The following CTNNA2 variants were observed in gnomAD, a reference collection of about 807,000 sequenced individuals.
The protein encoded by CTNNA2 is catenin alpha 2, also known as catenin alpha-2.
In CTNNA2, 42 loss-of-function variants were observed where a neutral mutation model predicts 101.0. The observed-to-expected ratio is 0.42, with a 90% CI of 0.32 to 0.54. CTNNA2 has a LOEUF of 0.54. Among genes scored for constraint, CTNNA2 ranks in the 20% least tolerant of loss-of-function variants. CTNNA2 has a pLI of 0.14. For synonymous variants in CTNNA2, 450 were observed against 456.4 expected (o/e 0.99, Z 0.18); for missense variants, 871 against 1,223.1 (o/e 0.71, Z 4.29).
chr2:80,435,405 C>T (rs989541918), intron 9 of CTNNA2, among the ~76,000 whole-genome samples: 11 of 152,142 alleles, frequency 7.2e-5, no homozygotes, highest in African/African-American at 2.7e-4. Flanking sequence ...AACCTCTTGT[C>T]ACAATTTTTT....
intron 7 of CTNNA2, among the ~76,000 whole-genome samples, chr2:80,382,149 G>A (rs7585568): frequency 0.023 from 3,527 of 152,262 alleles, 128 homozygotes; most frequent in African/African-American, 0.079. Context: ...ACCTAGCCTT[G>A]TCTCCAAAGA....
intron 11 of CTNNA2, among the ~76,000 whole-genome samples, chr2:80,553,175 G>A (rs1012087629): frequency 2.0e-5 from 3 of 150,968 alleles, no homozygotes; most frequent in Admixed American, 6.6e-5. Flanking sequence ...GGTGAGCTGG[G>A]ATTGCGTCAC....
intron 7 of CTNNA2, among the ~76,000 whole-genome samples, chr2:80,264,674 G>A (rs1188119718): frequency 6.6e-6 from 1 of 151,992 alleles, no homozygotes; most frequent in Non-Finnish European, 1.5e-5. Flanking sequence ...TCTAGGGTGG[G>A]ATACTATTAA....
chr2:79,723,507 G>A (rs1686617107), intron 2 of CTNNA2, among the ~76,000 whole-genome samples: 1 of 152,142 alleles, frequency 6.6e-6, no homozygotes, highest in South Asian at 2.1e-4. Flanking sequence ...AGCTACATCT[G>A]CATATACTCT....
intron 7 of CTNNA2, among the ~76,000 whole-genome samples, chr2:80,347,491 G>T (rs189742400): frequency 3.4e-4 from 52 of 152,256 alleles, no homozygotes; most frequent in African/African-American, 1.1e-3. Context: ...TCACATGAAC[G>T]ATCCAACCTA....
rs188674765 is a variant in CTNNA2 at position 80,539,779 on chromosome 2, C to G, written c.1291-5203C>G. ...TAGGTATTTAGTACAATTAGATCAC[C>G]AACGAGCTCTACCACCTATAGTCAT... On this transcript the variant is annotated intron_variant, in intron 9 of 18. Coordinates refer to ENST00000402739, the MANE Select transcript of CTNNA2 (RefSeq NM_001282597.3). Among the ~76,000 whole-genome samples, 349 of 152,268 alleles carry G rather than the reference C, an allele frequency of 2.3e-3. 5 individuals carry two copies. Among genetic ancestry groups the G allele is most frequent in the Admixed American group, 0.017 (261 of 15,284 alleles).
chr2:80,065,744 A>G (rs1426368148), intron 7 of CTNNA2, among the ~76,000 whole-genome samples: 1 of 152,206 alleles, frequency 6.6e-6, no homozygotes, highest in Non-Finnish European at 1.5e-5. Flanking sequence ...AAATAAAATT[A>G]TGCACATTGT....
intron 2 of CTNNA2, among the ~76,000 whole-genome samples, chr2:79,209,126 G>A (rs1473648796): frequency 1.3e-5 from 2 of 151,810 alleles, no homozygotes; most frequent in Non-Finnish European, 2.9e-5. Context: ...GACCAGCCTG[G>A]GCAACATAGC....
chr2:79,318,076 G>A (rs1676536458), intron 3 of CTNNA2, among the ~76,000 whole-genome samples: 1 of 151,860 alleles, frequency 6.6e-6, no homozygotes, highest in Admixed American at 6.6e-5. Context: ...TCTATATAGG[G>A]ACTTGAGATA....
At chr2:79,388,891 C>A (rs1044495065) in intron 4 of CTNNA2, among the ~76,000 whole-genome samples, 1 of 151,744 alleles carries the variant, frequency 6.6e-6, no homozygotes, top group Admixed American at 6.6e-5. Context: ...AATATTTTTT[C>A]CCTGCAACAT....
intron 4 of CTNNA2, among the ~76,000 whole-genome samples, chr2:79,428,669 G>A (rs1418470704): frequency 1.3e-5 from 2 of 152,102 alleles, no homozygotes; most frequent in Admixed American, 1.3e-4. Context: ...TGTAAAGCAT[G>A]CCTCAGCGTA....
intron 2 of CTNNA2, among the ~76,000 whole-genome samples, chr2:79,229,908 C>A (rs529218559): frequency 1.3e-5 from 2 of 152,186 alleles, no homozygotes; most frequent in South Asian, 4.2e-4. Flanking sequence ...TGCCCCTGCC[C>A]TAGAGATTTG....
At chr2:79,230,716 A>C (rs1261606911) in intron 2 of CTNNA2, among the ~76,000 whole-genome samples, 2 of 152,180 alleles carry the variant, frequency 1.3e-5, no homozygotes, top group Non-Finnish European at 2.9e-5. Context: ...AGCCACAGGC[A>C]CTCAATGCTA....
At chr2:79,708,065 A>G (rs1478400682) in intron 2 of CTNNA2, among the ~76,000 whole-genome samples, 1 of 152,226 alleles carries the variant, frequency 6.6e-6, no homozygotes, top group Non-Finnish European at 1.5e-5. Context: ...TTGCAGTAAT[A>G]AAACATTCTA....
chr2:80,285,411 T>A (rs1238248856), intron 7 of CTNNA2, among the ~76,000 whole-genome samples: 1 of 152,176 alleles, frequency 6.6e-6, no homozygotes, highest in Non-Finnish European at 1.5e-5. Flanking sequence ...AAAGTCAGTG[T>A]CATACTCAAA....
At chr2:79,761,640 C>A (rs1213396190) in intron 3 of CTNNA2, among the ~76,000 whole-genome samples, 3 of 152,028 alleles carry the variant, frequency 2.0e-5, no homozygotes, top group African/African-American at 7.2e-5. Context: ...TTATAGTTCC[C>A]CGATGCAGAT....
chr2:79,674,439 T>G (rs907700231), intron 2 of CTNNA2, among the ~76,000 whole-genome samples: 1 of 152,186 alleles, frequency 6.6e-6, no homozygotes, highest in Non-Finnish European at 1.5e-5. Flanking sequence ...TTCTATTGTC[T>G]AATCCAGGAA....
chr2:79,612,375 A>G (rs915601578), intron 1 of CTNNA2, among the ~76,000 whole-genome samples: 5 of 152,166 alleles, frequency 3.3e-5, no homozygotes, highest in African/African-American at 1.2e-4. Context: ...ATCAAAATCC[A>G]TGGCTTTGTT....
intron 2 of CTNNA2, among the ~76,000 whole-genome samples, chr2:79,284,425 A>G (rs1436016970): frequency 1.3e-5 from 2 of 148,992 alleles, no homozygotes; most frequent in African/African-American, 5.0e-5. Flanking sequence ...TTATTTTGAA[A>G]TATGTCCCAT....
Sources: gnomAD v4.1 joint callset for allele counts (sites outside exome capture counted in the v4.1 genomes callset) on GRCh38, gnomAD v4.1.1 for gene constraint, MANE v1.5 for transcripts, NCBI Gene and HGNC (gene_info 2026-07-23, HGNC 2026-07-21) for gene names.